Variants in CERT1 observed in about 807,000 individuals in gnomAD.
CERT1 encodes ceramide transporter 1.
CERT1 carries 31 observed loss-of-function variants against 87.9 expected under a neutral mutation model. The ratio of observed to expected loss-of-function variants is 0.35; its 90% confidence interval spans 0.27 to 0.48. The LOEUF (loss-of-function observed/expected upper bound fraction) is 0.48. CERT1 is among the 20% of genes least tolerant of loss of function. CERT1 has a pLI of 0.99. For missense variants in CERT1, 487 were observed against 758.0 expected (o/e 0.64, Z 4.20); for synonymous variants, 289 against 250.9 (o/e 1.15, Z -1.44).
chr5:75,436,620 C>T (rs76478815), intron 3 of CERT1, among the ~76,000 whole-genome samples: 18,968 of 151,994 alleles, frequency 0.12, 1,286 homozygotes, highest in South Asian at 0.22. Context: ...TCAGAAGTTA[C>T]TTAGATACCT....
At chr5:75,409,522 G>C (rs1173661576) in intron 8 of CERT1, among the ~76,000 whole-genome samples, 1 of 151,706 alleles carries the variant, frequency 6.6e-6, no homozygotes, top group African/African-American at 2.4e-5. Flanking sequence ...GCTCATTTCA[G>C]AAATATCAAC....
In CERT1 at chr5:75,379,358, A is replaced by G; in HGVS notation, c.1863T>C (p.Pro621=). ...GTACCTGTTAATACTAGAACAAAAT[A>G]GGCTTTCCTGCAGTTTTTTCTTGGA... The part of the protein sequence containing the change: ...SYVQEKTAGK[P]ILF The change falls in exon 17 of 17, where the codon CCT becomes CCC. Residue 621 remains proline (P), a synonymous_variant. Transcript: ENST00000643780. 17 of 1,613,198 alleles carry G rather than the reference A, an allele frequency of 1.1e-5. No homozygotes were observed. Among genetic ancestry groups the G allele is most frequent in the Non-Finnish European group, 1.4e-5 (17 of 1,179,280 alleles).
intron 10 of CERT1, 108 bp downstream of exon 10, chr5:75,400,097 A>G: frequency 1.3e-5 from 10 of 796,898 alleles, no homozygotes; most frequent in Non-Finnish European, 2.0e-5. Flanking sequence ...GCGCCACTGC[A>G]CTCCACTCTG....
intron 2 of CERT1, among the ~76,000 whole-genome samples, chr5:75,503,532 T>C (rs1767481634): frequency 6.6e-6 from 1 of 151,966 alleles, no homozygotes; most frequent in Admixed American, 6.6e-5. Flanking sequence ...ATATGTAACA[T>C]GGAGTCTGTG....
chr5:75,426,117 ATTC>A (rs1338193409), intron 4 of CERT1, among the ~76,000 whole-genome samples: 5 of 152,208 alleles, frequency 3.3e-5, no homozygotes, highest in Non-Finnish European at 7.3e-5. Flanking sequence ...TCATTTCAGT[ATTC>A]TTCAGATTTT....
intron 17 of CERT1, chr5:75,369,984 C>T (rs895022627): frequency 6.6e-6 from 1 of 152,144 alleles, no homozygotes; most frequent in Non-Finnish European, 1.5e-5. Flanking sequence ...TCTGGAAGAT[C>T]CTATAAAAGC....
At chr5:75,464,015 T>C (rs1308150502) in intron 2 of CERT1, among the ~76,000 whole-genome samples, 1 of 152,044 alleles carries the variant, frequency 6.6e-6, no homozygotes, top group Non-Finnish European at 1.5e-5. Flanking sequence ...GAGAAAGGAA[T>C]TCAGATAAGA....
intron 2 of CERT1, among the ~76,000 whole-genome samples, chr5:75,466,417 C>T (rs1179366188): frequency 1.3e-5 from 2 of 152,254 alleles, no homozygotes; most frequent in African/African-American, 4.8e-5. Context: ...TATGAGGTGT[C>T]GCTCCACAAC....
At chr5:75,413,314 A>G (rs1040091398) in intron 7 of CERT1, among the ~76,000 whole-genome samples, 13 of 152,232 alleles carry the variant, frequency 8.5e-5, no homozygotes, top group African/African-American at 3.1e-4. Flanking sequence ...AACTGAACTC[A>G]CACAAAGCAA....
chr5:75,461,167 C>T (rs1362595488), intron 2 of CERT1, among the ~76,000 whole-genome samples: 2 of 152,130 alleles, frequency 1.3e-5, no homozygotes. Flanking sequence ...CAAACCCGTG[C>T]CAGTCCATGG....
chr5:75,453,720 A>G (rs539357330), intron 3 of CERT1, among the ~76,000 whole-genome samples: 2 of 152,346 alleles, frequency 1.3e-5, no homozygotes, highest in African/African-American at 4.8e-5. Flanking sequence ...TGTTAGGCAT[A>G]CATAAATCCT....
At chr5:75,425,573 A>C in intron 4 of CERT1, 74 bp from the exon 5 acceptor site, 1 of 1,487,094 alleles carries the variant, frequency 6.7e-7, no homozygotes, top group Non-Finnish European at 9.2e-7. Flanking sequence ...ATGGTATTTC[A>C]TCAACTTTTA....
chr5:75,388,736 T>C (rs1274503128), intron 12 of CERT1, among the ~76,000 whole-genome samples: 1 of 151,004 alleles, frequency 6.6e-6, no homozygotes, highest in African/African-American at 2.4e-5. Flanking sequence ...AGGAATCTTT[T>C]GCCTCAGCCT....
chr5:75,487,868 G>A (rs1385063390), intron 2 of CERT1, among the ~76,000 whole-genome samples: 1 of 152,002 alleles, frequency 6.6e-6, no homozygotes, highest in Non-Finnish European at 1.5e-5. Context: ...GACTACTATT[G>A]AGCCATTAAA....
At chr5:75,449,321 A>G (rs1056015552) in intron 3 of CERT1, among the ~76,000 whole-genome samples, 2 of 152,186 alleles carry the variant, frequency 1.3e-5, no homozygotes, top group Non-Finnish European at 2.9e-5. Flanking sequence ...GATGAAACAG[A>G]TATATTAATT....
chr5:75,395,134 A>G (rs1762193603), intron 11 of CERT1, among the ~76,000 whole-genome samples: 1 of 152,196 alleles, frequency 6.6e-6, no homozygotes, highest in Non-Finnish European at 1.5e-5. Context: ...TTAAGCTGCA[A>G]ATTCACTGTA....
At chr5:75,385,022 T>C (rs1334306574) in intron 13 of CERT1, among the ~76,000 whole-genome samples, 1 of 152,178 alleles carries the variant, frequency 6.6e-6, no homozygotes, top group African/African-American at 2.4e-5. Flanking sequence ...AACCCTTCCC[T>C]TTTCCCCAAT....
At chr5:75,381,254 T>C (rs926864147) in intron 15 of CERT1, 53 bp from the exon 16 acceptor site, 6 of 1,605,098 alleles carry the variant, frequency 3.7e-6, no homozygotes, top group Non-Finnish European at 1.7e-6. Context: ...TTGTAAACTC[T>C]GCTGGTCTAA....
chr5:75,500,478 T>C (rs910260264), intron 2 of CERT1, among the ~76,000 whole-genome samples: 1 of 152,222 alleles, frequency 6.6e-6, no homozygotes, highest in African/African-American at 2.4e-5. Context: ...TTGAGTTACA[T>C]TATCTGAATC....
Sources: allele counts gnomAD v4.1 joint callset (sites outside exome capture counted in the v4.1 genomes callset), GRCh38; gene constraint gnomAD v4.1.1; transcripts MANE v1.5; gene names NCBI Gene and HGNC (gene_info 2026-07-23, HGNC 2026-07-21).